BAZ1A: variants seen among roughly 807,000 people sequenced by gnomAD.
BAZ1A encodes the protein bromodomain adjacent to zinc finger domain protein 1A.
BAZ1A carries 50 observed loss-of-function variants against 185.2 expected under a neutral mutation model. That is an observed-to-expected ratio of 0.27 (90% CI 0.22 to 0.34). The LOEUF is 0.34. Ranked by LOEUF, BAZ1A falls within the 10% of genes least tolerant of loss-of-function variation. The pLI, the probability that BAZ1A is intolerant of heterozygous loss-of-function variation, is 1.00. For missense variants in BAZ1A, 1,356 were observed against 1,839.9 expected (o/e 0.74, Z 4.81); for synonymous variants, 571 against 615.6 (o/e 0.93, Z 1.07).
Position 34,874,409 on chromosome 14 carries a change from G to A in BAZ1A, c.113+83C>T, listed in dbSNP as rs558569087. On this transcript the variant is annotated intron_variant, in intron 2 of 26. Transcript: ENST00000360310. This position sits in a 1 kb window ranked among gnomAD's most constrained non-coding sequence, Gnocchi z 4.7. ...CAAGTCGCCCCGCCAGAAGCCCAGG[G>A]CGAGGAAAAGGAGAGAGACAAAAGA... 21 of 1,340,388 alleles carry A rather than the reference G, an allele frequency of 1.6e-5. No homozygotes were observed. In the African/African-American group the frequency reaches 2.7e-4, roughly 17 times the overall value. The allele number at this position is 1,340,388 out of a possible 1,614,324, so 83.0% of individuals were successfully genotyped here. A position where few individuals can be genotyped will look rare whatever the true frequency, so the allele number is the denominator to read the frequency against.
At chr14:34,842,234 G>C (rs946038929) in intron 3 of BAZ1A, among the ~76,000 whole-genome samples, 5 of 152,130 alleles carry the variant, frequency 3.3e-5, no homozygotes, top group Admixed American at 6.5e-5. Context: ...ACAAACAATT[G>C]CATTTTTCAT....
At chr14:34,827,139 CTCTG>C (rs1366632860) in intron 3 of BAZ1A, among the ~76,000 whole-genome samples, 95 of 152,280 alleles carry the variant, frequency 6.2e-4, no homozygotes, top group African/African-American at 2.1e-3. Context: ...CTCTGGAAAA[CTCTG>C]TCTAATACAG....
intron 7 of BAZ1A, 46 bp from the exon 8 acceptor site, chr14:34,801,239 TA>T: frequency 1.5e-6 from 2 of 1,369,156 alleles, no homozygotes; most frequent in East Asian, 2.4e-5. Flanking sequence ...ATAGTAAGAA[TA>T]AAAAGCAAAA....
chr14:34,873,107 C>A (rs2138850625), intron 2 of BAZ1A, among the ~76,000 whole-genome samples: 1 of 152,098 alleles, frequency 6.6e-6, no homozygotes, highest in South Asian at 2.1e-4. Context: ...TAACGTGTAA[C>A]CCTTTCTGTG....
At chr14:34,788,093 A>G (rs1347803347) in intron 12 of BAZ1A, among the ~76,000 whole-genome samples, 2 of 151,296 alleles carry the variant, frequency 1.3e-5, no homozygotes, top group Admixed American at 6.6e-5. Context: ...GTCTTGGCTC[A>G]CTGCAACCTC....
At chr14:34,786,095 C>CA in intron 13 of BAZ1A, 31 bp downstream of exon 13, 1 of 1,568,138 alleles carries the variant, frequency 6.4e-7, no homozygotes, top group Non-Finnish European at 8.6e-7. Flanking sequence ...AATAAAAAGC[C>CA]AAACAAAAAA....
In BAZ1A at chr14:34,815,054, C is replaced by T. The variant is rs564537127; in HGVS notation, c.537-4018G>A. Reference sequence around the variant, plus strand: ...CCTCCCAAAGTGCTGGGATTACAGGCGTGAGCCACTGCGCCTGGCCACAGA... The same window carrying T: ...CCTCCCAAAGTGCTGGGATTACAGGTGTGAGCCACTGCGCCTGGCCACAGA... On this transcript the variant is annotated intron_variant, in intron 4 of 26. Coordinates refer to ENST00000360310, the MANE Select transcript of BAZ1A (RefSeq NM_013448.3). Among the ~76,000 whole-genome samples, 9 of 152,054 alleles carry T rather than the reference C, an allele frequency of 5.9e-5. No homozygotes were observed. The South Asian group carries it at 6.2e-4, about 11-fold the overall frequency.
At chr14:34,855,275 C>T (rs1013084444) in intron 3 of BAZ1A, among the ~76,000 whole-genome samples, 1 of 152,154 alleles carries the variant, frequency 6.6e-6, no homozygotes, top group Non-Finnish European at 1.5e-5. Flanking sequence ...ATACTTCAAC[C>T]ACTCACAGGC....
chr14:34,872,381 G>C (rs1458493598), intron 2 of BAZ1A, among the ~76,000 whole-genome samples: 1 of 152,112 alleles, frequency 6.6e-6, no homozygotes, highest in Non-Finnish European at 1.5e-5. Context: ...CAGATCACTT[G>C]AACTCAGGAG....
At chr14:34,835,778 TCTC>T (rs2042320016) in intron 3 of BAZ1A, among the ~76,000 whole-genome samples, 1 of 151,302 alleles carries the variant, frequency 6.6e-6, no homozygotes, top group South Asian at 2.1e-4. Context: ...TTCAAGCAAT[TCTC>T]CTGCCTCAGC....
chr14:34,755,680 C>A (rs58074336), intron 25 of BAZ1A, among the ~76,000 whole-genome samples: 62,674 of 151,894 alleles, frequency 0.41, 13,528 homozygotes, highest in Non-Finnish European at 0.48. Context: ...AACTTCTATT[C>A]CAGTACCATA....
chr14:34,858,948 A>G (rs945589490), intron 3 of BAZ1A, among the ~76,000 whole-genome samples: 5 of 152,182 alleles, frequency 3.3e-5, no homozygotes, highest in African/African-American at 1.2e-4. Context: ...TGCCTGGCAT[A>G]TTTGAGAAGC....
chr14:34,859,844 G>A (rs1180055516), intron 3 of BAZ1A, among the ~76,000 whole-genome samples: 3 of 152,068 alleles, frequency 2.0e-5, no homozygotes, highest in Non-Finnish European at 4.4e-5. Flanking sequence ...ATTCTAATTC[G>A]TGCTGTCTCC....
intron 3 of BAZ1A, among the ~76,000 whole-genome samples, chr14:34,858,726 G>A (rs1055961015): frequency 6.6e-6 from 1 of 150,416 alleles, no homozygotes; most frequent in African/African-American, 2.4e-5. Flanking sequence ...TTGGGGCGAG[G>A]GTGGGGAGGC....
chr14:34,804,807 T>C (rs1881766824), intron 6 of BAZ1A, among the ~76,000 whole-genome samples: 1 of 152,230 alleles, frequency 6.6e-6, no homozygotes, highest in Admixed American at 6.5e-5. Context: ...AAGTTCCTTA[T>C]TCATACACAC....
chr14:34,866,173 G>A (rs1488116727), intron 2 of BAZ1A, among the ~76,000 whole-genome samples: 1 of 152,056 alleles, frequency 6.6e-6, no homozygotes, highest in Non-Finnish European at 1.5e-5. Flanking sequence ...GAGTGACAGA[G>A]CACAACCCTG....
intron 2 of BAZ1A, among the ~76,000 whole-genome samples, chr14:34,868,924 G>GTATAATACA (rs2042907150): frequency 1.1e-4 from 16 of 150,074 alleles, no homozygotes; most frequent in East Asian, 5.9e-4. Context: ...GTGTGTGTGT[G>GTATAATACA]TGTATAATAC....
chr14:34,828,096 A>G (rs1304023686), intron 3 of BAZ1A, among the ~76,000 whole-genome samples: 1 of 151,894 alleles, frequency 6.6e-6, no homozygotes, highest in Non-Finnish European at 1.5e-5. Context: ...GGAGTTTGAG[A>G]CCAGCCTGAC....
intron 4 of BAZ1A, among the ~76,000 whole-genome samples, chr14:34,816,336 C>G (rs990928000): frequency 6.6e-6 from 1 of 152,070 alleles, no homozygotes; most frequent in African/African-American, 2.4e-5. Flanking sequence ...ATCCACCCGC[C>G]CTGGCCTCCC....
Sources: gnomAD v4.1 joint callset for allele counts (sites outside exome capture counted in the v4.1 genomes callset) on GRCh38, gnomAD v4.1.1 for gene constraint, Gnocchi (gnomAD v3.1) non-coding constraint, MANE v1.5 for transcripts, NCBI Gene and HGNC (gene_info 2026-07-23, HGNC 2026-07-21) for gene names.